The following MAML3 variants were observed in gnomAD, a reference collection of about 807,000 sequenced individuals.
The protein encoded by MAML3 is mastermind like transcriptional coactivator 3.
MAML3 carries 27 observed loss-of-function variants against 101.9 expected under a neutral mutation model. The ratio of observed to expected loss-of-function variants is 0.27; its 90% CI spans 0.20 to 0.37. The LOEUF is 0.37. Among genes scored for constraint, MAML3 ranks in the 10% least tolerant of loss-of-function variants. The pLI, the probability that MAML3 is intolerant of heterozygous loss-of-function variation, is 1.00. For missense variants in MAML3, 1,316 were observed against 1,444.9 expected, an observed-to-expected ratio of 0.91 and a Z score of 1.45; for synonymous variants, 501 against 555.9, an observed-to-expected ratio of 0.90 and a Z score of 1.39.
At chr4:139,861,598 T>C (rs1261673075) in intron 2 of MAML3, among the ~76,000 whole-genome samples, 1 of 151,886 alleles carries the variant, frequency 6.6e-6, no homozygotes, top group Non-Finnish European at 1.5e-5. Context: ...AGAGGTTTAG[T>C]TAATAGCCTG....
intron 1 of MAML3, among the ~76,000 whole-genome samples, chr4:139,975,887 G>A (rs1384030749): frequency 6.6e-6 from 1 of 152,132 alleles, no homozygotes; most frequent in Non-Finnish European, 1.5e-5. Flanking sequence ...TCAGTGTTCA[G>A]GCCTGGATTA....
intron 1 of MAML3, among the ~76,000 whole-genome samples, chr4:139,953,645 C>G (rs2604919): frequency 4.8e-4 from 73 of 152,288 alleles, no homozygotes; most frequent in Non-Finnish European, 8.2e-4. Flanking sequence ...AACACAAGTT[C>G]TAAAAGAATC....
At chr4:139,853,807 A>T (rs1192994732) in intron 2 of MAML3, among the ~76,000 whole-genome samples, 3 of 151,900 alleles carry the variant, frequency 2.0e-5, no homozygotes, top group African/African-American at 7.3e-5. Flanking sequence ...GAGACCTTGG[A>T]TAAATTTTTT....
intron 2 of MAML3, among the ~76,000 whole-genome samples, chr4:139,769,019 ACTG>A (rs1169534726): frequency 6.6e-6 from 1 of 152,234 alleles, no homozygotes; most frequent in African/African-American, 2.4e-5. Context: ...CCTGACTGTG[ACTG>A]CTTTGGTAAC....
intron 1 of MAML3, among the ~76,000 whole-genome samples, chr4:139,969,844 T>C (rs1295520708): frequency 1.3e-5 from 2 of 152,178 alleles, no homozygotes; most frequent in Non-Finnish European, 2.9e-5. Context: ...TCCGCACCAC[T>C]GACTCACAAA....
At chr4:139,779,414 T>C (rs561394382) in intron 2 of MAML3, among the ~76,000 whole-genome samples, 1 of 152,300 alleles carries the variant, frequency 6.6e-6, no homozygotes, top group Non-Finnish European at 1.5e-5. Context: ...AATTTAAAAA[T>C]AATTTGTGAG....
intron 2 of MAML3, among the ~76,000 whole-genome samples, chr4:139,822,738 C>G (rs981262527): frequency 6.6e-6 from 1 of 152,214 alleles, no homozygotes; most frequent in South Asian, 2.1e-4. Flanking sequence ...CTCCACATCT[C>G]GAACCCTAAT....
chr4:140,020,190 G>T (rs937168241), intron 1 of MAML3, among the ~76,000 whole-genome samples: 3 of 152,080 alleles, frequency 2.0e-5, no homozygotes, highest in Non-Finnish European at 4.4e-5. Flanking sequence ...TCAGTGTTAA[G>T]TATTAACAAG....
chr4:140,045,066 T>A (rs1024289709), intron 1 of MAML3, among the ~76,000 whole-genome samples: 1 of 152,192 alleles, frequency 6.6e-6, no homozygotes, highest in Admixed American at 6.5e-5. Flanking sequence ...ATTCACATAT[T>A]AGTGTTTTTC....
At chr4:139,820,478 A>G (rs1337039534) in intron 2 of MAML3, among the ~76,000 whole-genome samples, 1 of 152,238 alleles carries the variant, frequency 6.6e-6, no homozygotes, top group African/African-American at 2.4e-5. Flanking sequence ...AAGAAAGATT[A>G]GTTATGGAAA....
chr4:140,117,238 G>T (rs745595770), intron 1 of MAML3, among the ~76,000 whole-genome samples: 1 of 152,054 alleles, frequency 6.6e-6, no homozygotes, highest in Non-Finnish European at 1.5e-5. Context: ...AATGTTTGGG[G>T]TTCCTAATTA....
chr4:139,898,735 C>CT (rs1409467406), intron 1 of MAML3, among the ~76,000 whole-genome samples: 1 of 152,226 alleles, frequency 6.6e-6, no homozygotes, highest in Non-Finnish European at 1.5e-5. Flanking sequence ...TTATCACATG[C>CT]TTATTCTCTT....
rs538298452 is a variant in MAML3, at chr4:139,948,060, A to T, written c.469-57093T>A. ...GGTTGCAGTGGGCCAAGATCACGCC[A>T]TTGCACGCCAGTCTGGGCAACAAGA... On this transcript the variant is annotated intron_variant, in intron 1 of 4. Coordinates refer to ENST00000509479, the MANE Select transcript of MAML3 (RefSeq NM_018717.5). 9.8e-4 allele frequency among the ~76,000 whole-genome samples: 149 copies of T among 151,988 alleles called. 3 individuals carry two copies. In the South Asian group the frequency reaches 0.03, roughly 31 times the overall value.
intron 2 of MAML3, among the ~76,000 whole-genome samples, chr4:139,874,112 G>A (rs1337427645): frequency 6.6e-6 from 1 of 151,980 alleles, no homozygotes; most frequent in African/African-American, 2.4e-5. Context: ...TTCTTTTTTA[G>A]CTTCTGATTT....
At chr4:140,116,030 A>T (rs1192215430) in intron 1 of MAML3, among the ~76,000 whole-genome samples, 1 of 152,198 alleles carries the variant, frequency 6.6e-6, no homozygotes, top group Non-Finnish European at 1.5e-5. Flanking sequence ...AATGTCCTTT[A>T]AGATCCTTTA....
intron 1 of MAML3, among the ~76,000 whole-genome samples, chr4:139,968,638 C>G (rs1343800189): frequency 6.6e-6 from 1 of 152,056 alleles, no homozygotes; most frequent in African/African-American, 2.4e-5. Flanking sequence ...TTCTGTTAGG[C>G]CCATTTTACA....
chr4:140,066,644 G>T (rs938682677), intron 1 of MAML3, among the ~76,000 whole-genome samples: 1 of 152,112 alleles, frequency 6.6e-6, no homozygotes, highest in East Asian at 1.9e-4. Flanking sequence ...AAAAAAAATC[G>T]TATTGCTGAA....
chr4:140,064,445 T>C (rs1399029596), intron 1 of MAML3, among the ~76,000 whole-genome samples: 1 of 152,200 alleles, frequency 6.6e-6, no homozygotes, highest in Admixed American at 6.6e-5. Flanking sequence ...ACTTTCTCAA[T>C]TGGTGGCACA....
chr4:140,114,401 A>G (rs1212653372), intron 1 of MAML3, among the ~76,000 whole-genome samples: 1 of 152,256 alleles, frequency 6.6e-6, no homozygotes, highest in Non-Finnish European at 1.5e-5. Flanking sequence ...CCAAAAGGCA[A>G]GTGTTCTTTT....
Sources: allele counts gnomAD v4.1 joint callset (sites outside exome capture counted in the v4.1 genomes callset), GRCh38; gene constraint gnomAD v4.1.1; transcripts MANE v1.5; gene names NCBI Gene and HGNC (gene_info 2026-07-23, HGNC 2026-07-21).